The following NBAS variants were observed in gnomAD, a reference collection of about 807,000 sequenced individuals.
NBAS encodes the protein NAG/BC035112 fusion.
A neutral mutation model predicts 302.5 loss-of-function variants in NBAS; 219 were observed. The ratio of observed to expected loss-of-function variants is 0.72; its 90% confidence interval spans 0.65 to 0.81. The LOEUF (loss-of-function observed/expected upper bound fraction) is 0.81. NBAS is among the 30% of genes least tolerant of loss of function. The probability of loss-of-function intolerance (pLI) is 0.00; values close to 1 mark genes in which losing one functional copy is unlikely to be tolerated. For missense variants in NBAS, 2,932 were observed against 2,841.6 expected, an observed-to-expected ratio of 1.03 and a Z score of -0.72; for synonymous variants, 1,118 against 1,021.6, an observed-to-expected ratio of 1.09 and a Z score of -1.80.
chr2:15,432,230 T>C (rs1458948956), intron 21 of NBAS, among the ~76,000 whole-genome samples: 1 of 151,972 alleles, frequency 6.6e-6, no homozygotes, highest in Non-Finnish European at 1.5e-5. Flanking sequence ...TTTGTCTATT[T>C]TTCCCCTGCT....
the NBAS span, among the ~76,000 whole-genome samples, chr2:15,034,240 GAAA>G: frequency 8.7e-5 from 7 of 80,634 alleles, no homozygotes; most frequent in East Asian, 1.1e-3. Flanking sequence ...AAGAAGGAAA[GAAA>G]GAAAGAAAGA....
At chr2:15,069,896 T>TG in the NBAS span, among the ~76,000 whole-genome samples, 2 of 152,178 alleles carry the variant, frequency 1.3e-5, no homozygotes, top group Non-Finnish European at 2.9e-5. Flanking sequence ...GATTGGGAAT[T>TG]GGAGTTATCT....
chr2:15,292,788 A>C (rs772918832), intron 40 of NBAS, 22 bp from the exon 41 acceptor site: 3 of 1,610,004 alleles, frequency 1.9e-6, no homozygotes, highest in Non-Finnish European at 2.6e-6. Flanking sequence ...ATGGAAAAGA[A>C]GACATTTTAC....
In NBAS at chr2:15,424,426, C is replaced by T. The variant is rs773734846; in HGVS notation, c.2466G>A (p.Leu822=). Residue 822 remains leucine (L), a synonymous_variant, in exon 23 of 52, where the codon TTG becomes TTA. Transcript: ENST00000281513. ...EPNLQDESEF[L]YAAQPELLRF... The stretch of plus-strand genomic sequence containing the variant: ...TTAGTAACTCAGGCTGTGCAGCATA[C>T]AAGAATTCACTTTCATCTTGGAGAT... 2 of 1,613,994 alleles carry T rather than the reference C, an allele frequency of 1.2e-6. No homozygotes were observed. The highest frequency in any genetic ancestry group is 2.7e-5 in the African/African-American group (2 of 74,918).
chr2:15,199,983 G>A (rs1665802584), intron 48 of NBAS, among the ~76,000 whole-genome samples: 1 of 147,668 alleles, frequency 6.8e-6, no homozygotes, highest in African/African-American at 2.5e-5. Context: ...GCTCACTGTA[G>A]CCTGAACCTC....
At chr2:15,515,096 T>A (rs1425656289) in intron 9 of NBAS, among the ~76,000 whole-genome samples, 1 of 152,048 alleles carries the variant, frequency 6.6e-6, no homozygotes, top group Non-Finnish European at 1.5e-5. Flanking sequence ...CTCAGGTATG[T>A]TTAAAGGGGA....
intron 16 of NBAS, among the ~76,000 whole-genome samples, chr2:15,471,296 G>A (rs888354056): frequency 3.9e-5 from 6 of 151,988 alleles, no homozygotes; most frequent in African/African-American, 9.7e-5. Flanking sequence ...ATCTTCTTCC[G>A]TTTCATTACC....
At chr2:15,302,603 T>C (rs1355284390) in intron 40 of NBAS, among the ~76,000 whole-genome samples, 2 of 152,118 alleles carry the variant, frequency 1.3e-5, no homozygotes, top group African/African-American at 4.8e-5. Context: ...AGAGATAGCA[T>C]GAGGGCAGGA....
At chr2:15,437,738 C>A (rs905985226) in intron 21 of NBAS, among the ~76,000 whole-genome samples, 7 of 152,166 alleles carry the variant, frequency 4.6e-5, no homozygotes, top group African/African-American at 1.2e-4. Context: ...ATTCCACAAA[C>A]CTTTATTGAA....
chr2:15,235,494 A>T (rs1667551932), intron 45 of NBAS, among the ~76,000 whole-genome samples: 1 of 152,234 alleles, frequency 6.6e-6, no homozygotes, highest in Non-Finnish European at 1.5e-5. Context: ...CAGTTTCCAG[A>T]TTCTTTATAG....
intron 25 of NBAS, among the ~76,000 whole-genome samples, chr2:15,406,027 T>A (rs539169307): frequency 7.1e-6 from 1 of 141,634 alleles, no homozygotes; most frequent in Admixed American, 7.2e-5. Flanking sequence ...CACAATAAAA[T>A]ACCAATAAGC....
the NBAS span, among the ~76,000 whole-genome samples, chr2:15,004,608 C>T: frequency 6.6e-6 from 1 of 151,972 alleles, no homozygotes; most frequent in African/African-American, 2.4e-5. Flanking sequence ...TCATGTCATC[C>T]TCCCACTTCA....
rs752937543 is a variant in NBAS at position 15,473,221 on chromosome 2, C to T, written c.1725+1G>A. 2 of 1,613,750 alleles carry T rather than the reference C, an allele frequency of 1.2e-6. No individual in the cohort carries two copies. The highest frequency in any genetic ancestry group is 1.7e-6 in the Non-Finnish European group (2 of 1,179,748). ...CACATTACCAAAATATTTAAACATACCAAATAATTCTGAATTGAAGCAACG... is the reference window on the plus strand; with the variant it reads ...CACATTACCAAAATATTTAAACATATCAAATAATTCTGAATTGAAGCAACG... On this transcript the variant is annotated splice_donor_variant, in intron 16 of 51. Coordinates refer to ENST00000281513, the MANE Select transcript of NBAS (RefSeq NM_015909.4). LOFTEE classifies it high-confidence loss of function.
At chr2:14,953,318 G>A in the NBAS span, among the ~76,000 whole-genome samples, 1 of 152,342 alleles carries the variant, frequency 6.6e-6, no homozygotes, top group African/African-American at 2.4e-5. Context: ...GGGAGAAAAG[G>A]AATCAGAGGA....
intron 25 of NBAS, among the ~76,000 whole-genome samples, chr2:15,413,634 T>G (rs1326118611): frequency 2.0e-5 from 3 of 152,134 alleles, no homozygotes; most frequent in South Asian, 4.1e-4. Context: ...AGTATCCTAG[T>G]GCATGCATGG....
chr2:15,233,581 T>C (rs1265234243), intron 46 of NBAS, among the ~76,000 whole-genome samples: 1 of 152,208 alleles, frequency 6.6e-6, no homozygotes, highest in African/African-American at 2.4e-5. Flanking sequence ...TCTGTCATCA[T>C]TTGAAAGAGG....
chr2:15,408,651 T>A (rs781569500), intron 25 of NBAS, among the ~76,000 whole-genome samples: 1 of 152,206 alleles, frequency 6.6e-6, no homozygotes, highest in African/African-American at 2.4e-5. Flanking sequence ...AAGTAAAATA[T>A]CCTGGGTTAG....
intron 21 of NBAS, among the ~76,000 whole-genome samples, chr2:15,451,024 C>CTTCATTCA (rs143577908): frequency 6.6e-5 from 10 of 151,458 alleles, no homozygotes; most frequent in East Asian, 3.9e-4. Flanking sequence ...GGTAATTTAG[C>CTTCATTCA]TTCATTCATT....
At chr2:14,799,273 G>A in the NBAS span, among the ~76,000 whole-genome samples, 1 of 151,918 alleles carries the variant, frequency 6.6e-6, no homozygotes, top group African/African-American at 2.4e-5. Context: ...TATTCATTCA[G>A]TCCAAAACTT....
Sources: gnomAD v4.1 joint callset for allele counts (sites outside exome capture counted in the v4.1 genomes callset) on GRCh38, gnomAD v4.1.1 for gene constraint, MANE v1.5 for transcripts, NCBI Gene and HGNC (gene_info 2026-07-23, HGNC 2026-07-21) for gene names.